SLC8A1: variants seen among roughly 807,000 people sequenced by gnomAD.
SLC8A1 encodes the protein solute carrier family 8 member A1.
SLC8A1 carries 18 observed loss-of-function variants against 68.3 expected under a neutral mutation model. That is an observed-to-expected ratio of 0.26 (90% CI 0.18 to 0.39). The LOEUF (loss-of-function observed/expected upper bound fraction) is 0.39. Among genes scored for constraint, SLC8A1 ranks in the 10% least tolerant of loss-of-function variants. The probability of loss-of-function intolerance (pLI) is 1.00; values close to 1 mark genes in which losing one functional copy is unlikely to be tolerated. For missense variants in SLC8A1, 985 were observed against 1,156.7 expected (o/e 0.85, Z 2.15); for synonymous variants, 475 against 415.5 (o/e 1.14, Z -1.74).
At chr2:40,502,017 A>G (rs1706088457) in intron 1 of SLC8A1, among the ~76,000 whole-genome samples, 1 of 152,040 alleles carries the variant, frequency 6.6e-6, no homozygotes, top group Non-Finnish European at 1.5e-5. Flanking sequence ...CATCCTCACA[A>G]GAATTTAAAT....
intron 2 of SLC8A1, among the ~76,000 whole-genome samples, chr2:40,200,238 A>AT (rs1558723014): frequency 1.1e-4 from 2 of 18,256 alleles, no homozygotes; most frequent in Admixed American, 1.1e-3. Flanking sequence ...ATATATATAT[A>AT]AATATATATA....
At chr2:40,130,921 T>G (rs1292363671) in intron 7 of SLC8A1, among the ~76,000 whole-genome samples, 1 of 152,168 alleles carries the variant, frequency 6.6e-6, no homozygotes, top group Non-Finnish European at 1.5e-5. Flanking sequence ...TAGGGAAAAA[T>G]GAAGATAGGC....
intron 2 of SLC8A1, among the ~76,000 whole-genome samples, chr2:40,226,897 A>T (rs546633520): frequency 1.2e-4 from 18 of 152,288 alleles, no homozygotes; most frequent in African/African-American, 4.3e-4. Context: ...ATAATAAAAC[A>T]TGTGAACAAA....
At position 40,407,982 on chromosome 2, in the gene SLC8A1, T is replaced by C. The variant is rs1377539934; in HGVS notation, c.1808+20491A>G. Among the ~76,000 whole-genome samples, 3 of 152,182 alleles carry C rather than the reference T, an allele frequency of 2.0e-5. No individual in the cohort carries two copies. The East Asian group carries it at 5.8e-4, about 29-fold the overall frequency. On this transcript the variant is annotated intron_variant, in intron 2 of 7. Transcript: ENST00000406785. ...TCACTCACAAATGCAGGGACACACA[T>C]ATAACCGTGTTAGGCATCACAGAGC...
At chr2:40,106,651 G>A (rs547201745) in exon 8 of SLC8A1, 26 of 152,148 alleles carry the variant, frequency 1.7e-4, no homozygotes, top group Admixed American at 1.7e-3. Context: ...TTAGAGTTTT[G>A]GACTGAAACT....
intron 2 of SLC8A1, among the ~76,000 whole-genome samples, chr2:40,337,490 C>T (rs1038198338): frequency 6.6e-6 from 1 of 152,128 alleles, no homozygotes; most frequent in South Asian, 2.1e-4. Flanking sequence ...AAACAACAAA[C>T]CACTCACCTC....
At chr2:40,111,660 T>C (rs569594098) in exon 8 of SLC8A1, 1 of 152,198 alleles carries the variant, frequency 6.6e-6, no homozygotes, top group African/African-American at 2.4e-5. Flanking sequence ...CACTTCCTTC[T>C]ATACTGTTTT....
intron 2 of SLC8A1, among the ~76,000 whole-genome samples, chr2:40,333,575 C>A (rs1420386788): frequency 6.6e-6 from 1 of 151,830 alleles, no homozygotes; most frequent in African/African-American, 2.4e-5. Flanking sequence ...ACCTAGGTAT[C>A]CCATTGAGCT....
intron 2 of SLC8A1, among the ~76,000 whole-genome samples, chr2:40,225,195 T>A (rs2058816685): frequency 6.6e-6 from 1 of 152,136 alleles, no homozygotes; most frequent in African/African-American, 2.4e-5. Context: ...GAAAACAGCA[T>A]AGGAATTCAC....
chr2:40,343,203 C>T lies in SLC8A1; in HGVS notation c.1808+85270G>A, dbSNP rs559754007. ...ATAGTACAGCCTCTAAGAGTTTTTG[C>T]TGTGAATACCTCTTTTAAACTCTGT... On this transcript the variant is annotated intron_variant, in intron 2 of 7. Coordinates refer to ENST00000406785, the Ensembl canonical transcript of SLC8A1. 1.1e-4 allele frequency among the ~76,000 whole-genome samples: 17 copies of T among 152,170 alleles called. No homozygotes were observed. The South Asian group carries it at 3.5e-3, about 32-fold the overall frequency.
At position 40,347,810 on chromosome 2, in the gene SLC8A1, A is replaced by G. The variant is rs548399540; in HGVS notation, c.1808+80663T>C. On this transcript the variant is annotated intron_variant, in intron 2 of 7. Transcript: ENST00000406785. ...TAGTGATTAATCCTGAATTTAAAGC[A>G]AGATTTCTCTAATTTCAAAGTCCAT... Among the ~76,000 whole-genome samples, 60 of 152,218 alleles carry G rather than the reference A, an allele frequency of 3.9e-4. 1 individual carries two copies. Among genetic ancestry groups the G allele is most frequent in the South Asian group, 1.4e-3 (7 of 4,836 alleles).
upstream of SLC8A1, among the ~76,000 whole-genome samples, chr2:40,456,009 C>G (rs1206536471): frequency 1.3e-5 from 2 of 149,418 alleles, no homozygotes; most frequent in Non-Finnish European, 3.0e-5. Context: ...TACATTTGAG[C>G]AACTGATATT....
intron 2 of SLC8A1, among the ~76,000 whole-genome samples, chr2:40,312,632 G>T (rs1365826996): frequency 6.6e-6 from 1 of 151,940 alleles, no homozygotes; most frequent in African/African-American, 2.4e-5. Context: ...TATAAGGATG[G>T]ACTTCTGATT....
chr2:40,322,042 T>G (rs996500918), intron 2 of SLC8A1, among the ~76,000 whole-genome samples: 4 of 152,132 alleles, frequency 2.6e-5, no homozygotes, highest in Non-Finnish European at 4.4e-5. Context: ...AGAATTGACA[T>G]AGCAATTATT....
chr2:40,372,422 C>G (rs1415235036), intron 2 of SLC8A1, among the ~76,000 whole-genome samples: 6 of 152,070 alleles, frequency 3.9e-5, no homozygotes, highest in Non-Finnish European at 4.4e-5. Context: ...TAAGTGGAAG[C>G]CACAAACTCC....
In SLC8A1 at chr2:40,289,228, T is replaced by TTA. The variant is rs1553477270; in HGVS notation, c.1809-111374_1809-111373insTA. Among the ~76,000 whole-genome samples the TTA allele has an allele frequency of 7.9e-3, 1,196 of 152,122 alleles. 10 individuals are homozygous for TTA. The highest frequency in any genetic ancestry group is 0.028 in the African/African-American group (1,149 of 41,424). ...TAGATTAACCAAATCCTGTTTTTTT[T>TTA]AAAAAATAAGTTACTTTGACAGAGT... On this transcript the variant is annotated intron_variant, in intron 2 of 7. Transcript: ENST00000406785.
chr2:40,115,747 G>T lies in SLC8A1; in HGVS notation c.2438-118C>A, dbSNP rs531921299. ...CCCTTAATATAAACCCAGTGACCAA[G>T]AAATGGCTTTGATGTTCCTCTGAGT... is the stretch of plus-strand genomic sequence containing the variant. On this transcript the variant is annotated intron_variant, in intron 7 of 7. Transcript: ENST00000406785. The T allele has an allele frequency of 1.0e-4, 138 of 1,349,554 alleles. 3 individuals are homozygous for T. The African/African-American group carries it at 1.6e-3, about 16-fold the overall frequency. The allele number at this position is 1,349,554 out of a possible 1,614,324, so 83.6% of individuals were successfully genotyped here. A position where few individuals can be genotyped will look rare whatever the true frequency, so the allele number is the denominator to read the frequency against.
intron 2 of SLC8A1, among the ~76,000 whole-genome samples, chr2:40,395,871 A>G (rs1040229991): frequency 1.3e-5 from 2 of 151,352 alleles, no homozygotes; most frequent in African/African-American, 4.9e-5. Context: ...AGATGAGGAG[A>G]AAGTCCATTC....
intron 2 of SLC8A1, among the ~76,000 whole-genome samples, chr2:40,241,472 A>T (rs1315722839): frequency 1.3e-5 from 2 of 152,210 alleles, no homozygotes; most frequent in African/African-American, 4.8e-5. Context: ...CTCCGTCAAA[A>T]ATAAAAGTTG....
Sources: gnomAD v4.1 joint callset for allele counts (sites outside exome capture counted in the v4.1 genomes callset) on GRCh38, gnomAD v4.1.1 for gene constraint, MANE v1.5 for transcripts, NCBI Gene and HGNC (gene_info 2026-07-23, HGNC 2026-07-21) for gene names.